Variants in NCKAP5 observed in about 807,000 individuals in gnomAD.
NCKAP5 encodes the protein nck-associated protein 5.
A neutral mutation model predicts 167.0 loss-of-function variants in NCKAP5; 92 were observed. The ratio of observed to expected loss-of-function variants is 0.55; its 90% CI spans 0.47 to 0.66. The LOEUF (loss-of-function observed/expected upper bound fraction) is 0.66. NCKAP5 is among the 30% of genes least tolerant of loss of function. The pLI, the probability that NCKAP5 is intolerant of heterozygous loss-of-function variation, is 0.00. For synonymous variants in NCKAP5, 891 were observed against 877.4 expected (o/e 1.02, Z -0.27); for missense variants, 2,378 against 2,315.0 (o/e 1.03, Z -0.56).
At chr2:132,992,405 G>C (rs2077475201) in intron 7 of NCKAP5, among the ~76,000 whole-genome samples, 1 of 152,198 alleles carries the variant, frequency 6.6e-6, no homozygotes, top group Non-Finnish European at 1.5e-5. Flanking sequence ...GAGCTCAGAA[G>C]AGAATAAGCA....
chr2:132,890,404 GA>G (rs11354482), intron 8 of NCKAP5, among the ~76,000 whole-genome samples: 46,222 of 151,700 alleles, frequency 0.3, 7,334 homozygotes, highest in Non-Finnish European at 0.35. Flanking sequence ...CCACCATAAA[GA>G]AAAAAAATAG....
Position 133,200,061 on chromosome 2 carries a change from C to CTTTTTTTTTTTTTTTTTTT in NCKAP5, c.207+13654_207+13655insAAAAAAAAAAAAAAAAAAA, listed in dbSNP as rs70973417. 3.2e-4 allele frequency among the ~76,000 whole-genome samples: 35 copies of CTTTTTTTTTTTTTTTTTTT among 109,368 alleles called. 1 individual carries two copies. The highest frequency in any genetic ancestry group is 8.5e-4 in the East Asian group (3 of 3,536). 71.7% of individuals were successfully genotyped at this position (109,368 alleles called of 152,430 possible). On this transcript the variant is annotated intron_variant, in intron 5 of 19. Transcript: ENST00000409261. ...ATCCCAGTTGGCTTTTTTTTTCTTT[C>CTTTTTTTTTTTTTTTTTTT]TTTTTTTTTTTTTTTTTTGCAGAAA...
the NCKAP5 span, among the ~76,000 whole-genome samples, chr2:133,607,711 C>T: frequency 2.0e-5 from 3 of 152,112 alleles, no homozygotes; most frequent in Non-Finnish European, 4.4e-5. Context: ...AAGCTCAACC[C>T]TTTGATTTAT....
chr2:133,291,527 C>T (rs565415863), intron 4 of NCKAP5, among the ~76,000 whole-genome samples: 7 of 152,280 alleles, frequency 4.6e-5, no homozygotes, highest in South Asian at 2.1e-4. Context: ...GTGGTAGCAC[C>T]GCACTGGGAG....
At chr2:132,880,428 G>C (rs757487083) in intron 8 of NCKAP5, among the ~76,000 whole-genome samples, 1 of 152,124 alleles carries the variant, frequency 6.6e-6, no homozygotes, top group African/African-American at 2.4e-5. Flanking sequence ...TCAGGAGTTC[G>C]AGACCAGCCT....
At chr2:133,332,938 CT>C (rs1303716687) in intron 3 of NCKAP5, among the ~76,000 whole-genome samples, 1 of 152,326 alleles carries the variant, frequency 6.6e-6, no homozygotes, top group East Asian at 1.9e-4. Flanking sequence ...AGGTATACTG[CT>C]TGAAACCATT....
intron 4 of NCKAP5, among the ~76,000 whole-genome samples, chr2:133,221,610 C>T (rs1249043043): frequency 6.6e-6 from 1 of 152,148 alleles, no homozygotes; most frequent in Non-Finnish European, 1.5e-5. Flanking sequence ...TGCCTACACA[C>T]GAGTGTCATA....
intron 3 of NCKAP5, among the ~76,000 whole-genome samples, chr2:133,440,826 C>T (rs1690800640): frequency 6.7e-6 from 1 of 149,968 alleles, no homozygotes; most frequent in Non-Finnish European, 1.5e-5. Context: ...AACCCCAATT[C>T]TAAGCCTTCC....
At chr2:133,374,421 T>C (rs941130220) in intron 3 of NCKAP5, among the ~76,000 whole-genome samples, 2 of 152,246 alleles carry the variant, frequency 1.3e-5, no homozygotes, top group Non-Finnish European at 2.9e-5. Context: ...TATGTCATTA[T>C]ACATTTGTCC....
chr2:133,101,068 T>C (rs2081498928), intron 6 of NCKAP5, among the ~76,000 whole-genome samples: 1 of 151,728 alleles, frequency 6.6e-6, no homozygotes, highest in Admixed American at 6.6e-5. Context: ...CCATCTTGAA[T>C]TGATTTTTGT....
intron 3 of NCKAP5, among the ~76,000 whole-genome samples, chr2:133,334,343 C>T (rs1683070670): frequency 6.6e-6 from 1 of 152,120 alleles, no homozygotes; most frequent in Non-Finnish European, 1.5e-5. Context: ...TGGAAGTGCT[C>T]ACGGTGGTGG....
At chr2:133,229,542 C>T (rs1300964423) in intron 4 of NCKAP5, among the ~76,000 whole-genome samples, 2 of 152,108 alleles carry the variant, frequency 1.3e-5, no homozygotes, top group African/African-American at 2.4e-5. Context: ...AATTACATTC[C>T]GAGTACTTTA....
intron 6 of NCKAP5, among the ~76,000 whole-genome samples, chr2:133,002,952 G>A (rs1001815576): frequency 3.3e-5 from 5 of 152,228 alleles, no homozygotes; most frequent in African/African-American, 1.2e-4. Flanking sequence ...CAGCAAGACT[G>A]AAGGGGCTAT....
At chr2:133,661,598 C>T in the NCKAP5 span, among the ~76,000 whole-genome samples, 3 of 152,202 alleles carry the variant, frequency 2.0e-5, no homozygotes, top group Non-Finnish European at 4.4e-5. Context: ...TCCCTGCTAT[C>T]GCTACCATAA....
Position 133,213,834 on chromosome 2 carries a change from T to C in NCKAP5, c.144-55A>G, listed in dbSNP as rs1303147707. The C allele has an allele frequency of 1.9e-6, 3 of 1,558,444 alleles. No individual in the cohort carries two copies. The Admixed American group carries it at 5.1e-5, about 26-fold the overall frequency. On this transcript the variant is annotated intron_variant, in intron 4 of 19. Coordinates refer to ENST00000409261, the MANE Select transcript of NCKAP5 (RefSeq NM_207363.3). ...ACCATTCTCAGGGTAGAGGTGACAC[T>C]GGCATGGCCGTGAAACATTCTTTTG...
At chr2:132,806,845 A>T (rs987382959) in intron 11 of NCKAP5, among the ~76,000 whole-genome samples, 2 of 152,178 alleles carry the variant, frequency 1.3e-5, no homozygotes, top group Non-Finnish European at 2.9e-5. Context: ...ATCCTTGCCT[A>T]AGCCAATGTC....
At chr2:133,189,262 T>G (rs951442065) in intron 5 of NCKAP5, among the ~76,000 whole-genome samples, 6 of 151,970 alleles carry the variant, frequency 3.9e-5, no homozygotes, top group African/African-American at 1.5e-4. Context: ...AATAGACCGA[T>G]AACAGGCTCT....
intron 11 of NCKAP5, among the ~76,000 whole-genome samples, chr2:132,853,446 G>T (rs1009605482): frequency 1.3e-5 from 2 of 152,134 alleles, no homozygotes; most frequent in African/African-American, 4.8e-5. Flanking sequence ...CATTGTTTTG[G>T]TGAGAGGATG....
intron 5 of NCKAP5, among the ~76,000 whole-genome samples, chr2:133,137,164 T>C (rs900268568): frequency 6.6e-6 from 1 of 152,146 alleles, no homozygotes; most frequent in African/African-American, 2.4e-5. Flanking sequence ...ACCATAAAGC[T>C]CTCTGAATTC....
Sources: gnomAD v4.1 joint callset for allele counts (sites outside exome capture counted in the v4.1 genomes callset) on GRCh38, gnomAD v4.1.1 for gene constraint, MANE v1.5 for transcripts, NCBI Gene and HGNC (gene_info 2026-07-23, HGNC 2026-07-21) for gene names.